CCDC7: variants seen among roughly 807,000 people sequenced by gnomAD.
CCDC7 encodes the protein coiled-coil domain-containing protein 7.
A neutral mutation model predicts 196.9 loss-of-function variants in CCDC7; 183 were observed. The ratio of observed to expected loss-of-function variants is 0.93; its 90% CI spans 0.82 to 1.05. CCDC7 has a LOEUF of 1.05. Ranked by LOEUF, CCDC7 falls within the 50% of genes least tolerant of loss-of-function variation. CCDC7 has a pLI of 0.00. For synonymous variants in CCDC7, 525 were observed against 484.6 expected (o/e 1.08, Z -1.10); for missense variants, 1,540 against 1,482.2 (o/e 1.04, Z -0.64).
chr10:32,768,880 T>C (rs1158208623), intron 28 of CCDC7, among the ~76,000 whole-genome samples: 1 of 152,198 alleles, frequency 6.6e-6, no homozygotes, highest in Non-Finnish European at 1.5e-5. Context: ...TTAATCATGG[T>C]ATATTATATT....
chr10:32,679,651 G>A (rs1163404678), intron 21 of CCDC7, among the ~76,000 whole-genome samples: 1 of 152,110 alleles, frequency 6.6e-6, no homozygotes, highest in Non-Finnish European at 1.5e-5. Context: ...TGGGTACTAG[G>A]TACTTGTACT....
rs190564758 is a variant in CCDC7 at position 32,799,945 on chromosome 10, A to G, written c.3014-5070A>G. 2.0e-3 allele frequency among the ~76,000 whole-genome samples: 300 copies of G among 152,342 alleles called. 1 individual carries two copies. The highest frequency in any genetic ancestry group is 6.8e-3 in the Middle Eastern group (2 of 294). On this transcript the variant is annotated intron_variant, in intron 29 of 41. Transcript: ENST00000639629. ...TGCTGGCCTTGCCCACTGAAGGCAA[A>G]TTGCTTCTGGTGGGCCTTATGGACA...
chr10:32,689,049 G>C lies in CCDC7; in HGVS notation c.2234-4G>C, dbSNP rs200052086. On this transcript the variant is annotated splice_region_variant and splice_polypyrimidine_tract_variant and intron_variant, in intron 22 of 41. Coordinates refer to ENST00000639629, the Ensembl canonical transcript of CCDC7. ...TAGCGGACTAAACACATCTTTTTCT[G>C]TAGCTCCTGATAAAGAACCAAATGA... is the stretch of plus-strand genomic sequence containing the variant. The C allele has an allele frequency of 9.9e-5, 152 of 1,540,408 alleles. No individual in the cohort carries two copies. Among genetic ancestry groups the C allele is most frequent in the Non-Finnish European group, 1.3e-4 (145 of 1,118,006 alleles).
At chr10:32,795,308 C>T (rs1381946489) in intron 29 of CCDC7, among the ~76,000 whole-genome samples, 2 of 152,158 alleles carry the variant, frequency 1.3e-5, no homozygotes, top group East Asian at 3.9e-4. Context: ...ATTAGGTTTT[C>T]TTCAGGCTCA....
At chr10:32,869,981 C>G (rs2094365742) in intron 41 of CCDC7, among the ~76,000 whole-genome samples, 2 of 152,062 alleles carry the variant, frequency 1.3e-5, no homozygotes, top group Admixed American at 6.6e-5. Context: ...CAGTACCATG[C>G]TCTTTGCTTA....
At chr10:32,720,734 G>C (rs117230872) in intron 25 of CCDC7, among the ~76,000 whole-genome samples, 3 of 152,018 alleles carry the variant, frequency 2.0e-5, no homozygotes, top group Non-Finnish European at 2.9e-5. Context: ...TCAGACTCTT[G>C]CAGATTATCT....
At chr10:32,478,787 G>A (rs964644679) in intron 8 of CCDC7, among the ~76,000 whole-genome samples, 10 of 152,106 alleles carry the variant, frequency 6.6e-5, no homozygotes, top group East Asian at 1.9e-4. Flanking sequence ...GTCTTTGTCC[G>A]GCTTTGGTAT....
chr10:32,687,251 G>A (rs2076563097), intron 22 of CCDC7, among the ~76,000 whole-genome samples: 3 of 152,182 alleles, frequency 2.0e-5, no homozygotes, highest in African/African-American at 7.2e-5. Flanking sequence ...ATCATGAAGA[G>A]CTGAGCAATA....
chr10:32,869,894 T>C (rs2094360871), intron 41 of CCDC7, among the ~76,000 whole-genome samples: 1 of 151,238 alleles, frequency 6.6e-6, no homozygotes, highest in African/African-American at 2.4e-5. Context: ...TTGTCAAAGA[T>C]CAGATGGTTG....
At chr10:32,825,600 G>C (rs2090998903) in intron 32 of CCDC7, among the ~76,000 whole-genome samples, 1 of 151,994 alleles carries the variant, frequency 6.6e-6, no homozygotes, top group African/African-American at 2.4e-5. Context: ...TACAGATTTT[G>C]GTACCAGGAG....
At chr10:32,575,077 A>G (rs1312341014) in intron 16 of CCDC7, among the ~76,000 whole-genome samples, 1 of 152,214 alleles carries the variant, frequency 6.6e-6, no homozygotes, top group Non-Finnish European at 1.5e-5. Flanking sequence ...AAATAAATGA[A>G]CAAGATAATT....
chr10:32,480,398 C>G (rs945319572), intron 8 of CCDC7, among the ~76,000 whole-genome samples: 1 of 152,098 alleles, frequency 6.6e-6, no homozygotes, highest in Admixed American at 6.5e-5. Flanking sequence ...TCATAGCTCA[C>G]TCCAACCTCA....
At chr10:32,772,005 T>C (rs1352107980) in intron 28 of CCDC7, among the ~76,000 whole-genome samples, 1 of 152,158 alleles carries the variant, frequency 6.6e-6, no homozygotes, top group Non-Finnish European at 1.5e-5. Context: ...GGTACTCTGA[T>C]TTCATAGGCA....
intron 25 of CCDC7, among the ~76,000 whole-genome samples, chr10:32,716,582 A>C (rs974864044): frequency 4.6e-5 from 7 of 152,240 alleles, no homozygotes; most frequent in Admixed American, 2.0e-4. Flanking sequence ...AAAATGCCTC[A>C]ATTAAAAGAC....
At chr10:32,501,563 T>A (rs970423541) in intron 9 of CCDC7, among the ~76,000 whole-genome samples, 2 of 152,232 alleles carry the variant, frequency 1.3e-5, no homozygotes, top group African/African-American at 2.4e-5. Flanking sequence ...ATACTATTCC[T>A]TTCTGTTTGT....
intron 9 of CCDC7, among the ~76,000 whole-genome samples, chr10:32,516,078 A>T (rs909198550): frequency 6.6e-6 from 1 of 152,170 alleles, no homozygotes; most frequent in African/African-American, 2.4e-5. Flanking sequence ...ATGAAAAAAA[A>T]CCACTCATAG....
At chr10:32,771,611 G>GTCTGCAAGGTGAT (rs2079171189) in intron 28 of CCDC7, among the ~76,000 whole-genome samples, 1 of 152,202 alleles carries the variant, frequency 6.6e-6, no homozygotes, top group East Asian at 1.9e-4. Flanking sequence ...GATGGGGCAT[G>GTCTGCAAGGTGAT]TCTGCAAGGT....
intron 9 of CCDC7, among the ~76,000 whole-genome samples, chr10:32,506,670 G>C (rs1007530769): frequency 3.3e-5 from 5 of 152,152 alleles, no homozygotes; most frequent in African/African-American, 1.2e-4. Context: ...CAGTCAACAC[G>C]GCGAAACCCC....
upstream of CCDC7, among the ~76,000 whole-genome samples, chr10:32,450,430 A>G (rs193197705): frequency 1.6e-4 from 25 of 152,316 alleles, no homozygotes; most frequent in East Asian, 4.6e-3. Context: ...GGACTTGAAC[A>G]TATCTTTTTC....
Sources: gnomAD v4.1 joint callset for allele counts (sites outside exome capture counted in the v4.1 genomes callset) on GRCh38, gnomAD v4.1.1 for gene constraint, MANE v1.5 for transcripts, NCBI Gene and HGNC (gene_info 2026-07-23, HGNC 2026-07-21) for gene names.